Variants in CDHR3 observed in about 807,000 individuals in gnomAD.
The protein encoded by CDHR3 is cadherin-related family member 3.
In CDHR3, 79 loss-of-function variants were observed where a neutral mutation model predicts 86.6. The ratio of observed to expected loss-of-function variants is 0.91; its 90% CI spans 0.76 to 1.10. The LOEUF is 1.10. Among genes scored for constraint, CDHR3 ranks in the 50% least tolerant of loss-of-function variants. The probability of loss-of-function intolerance (pLI) is 0.00; values close to 1 mark genes in which losing one functional copy is unlikely to be tolerated. For synonymous variants in CDHR3, 421 were observed against 402.4 expected (o/e 1.05, Z -0.55); for missense variants, 1,081 against 1,077.6 (o/e 1.00, Z -0.04).
chr7:105,972,733 G>T (rs2115628329), intron 1 of CDHR3, among the ~76,000 whole-genome samples: 1 of 152,246 alleles, frequency 6.6e-6, no homozygotes, highest in African/African-American at 2.4e-5. Flanking sequence ...AAAGTCAATT[G>T]TAATAGATTT....
intron 14 of CDHR3, among the ~76,000 whole-genome samples, chr7:106,023,873 A>G (rs1282854923): frequency 6.6e-6 from 1 of 152,212 alleles, no homozygotes; most frequent in Non-Finnish European, 1.5e-5. Context: ...AACCTCCGTA[A>G]CTTGTTTGTT....
chr7:105,969,810 G>A (rs188361495), intron 1 of CDHR3, among the ~76,000 whole-genome samples: 1 of 152,288 alleles, frequency 6.6e-6, no homozygotes, highest in Admixed American at 6.5e-5. Flanking sequence ...TCCGTTTTCT[G>A]TAATAAAACT....
At chr7:105,971,458 A>G (rs1827964991) in intron 1 of CDHR3, among the ~76,000 whole-genome samples, 2 of 152,164 alleles carry the variant, frequency 1.3e-5, no homozygotes, top group African/African-American at 4.8e-5. Context: ...ACTGCCATTC[A>G]AAATATGACC....
intron 6 of CDHR3, among the ~76,000 whole-genome samples, chr7:105,998,913 C>T (rs983621155): frequency 1.3e-5 from 2 of 152,216 alleles, no homozygotes; most frequent in Non-Finnish European, 1.5e-5. Flanking sequence ...TTTCTCCCCT[C>T]CTGCCCATTT....
At chr7:105,966,434 C>A (rs1250798538) in intron 1 of CDHR3, among the ~76,000 whole-genome samples, 1 of 152,330 alleles carries the variant, frequency 6.6e-6, no homozygotes, top group South Asian at 2.1e-4. Context: ...TTCAGCCCAT[C>A]ATCTGTGCGT....
chr7:105,998,868 C>T (rs1832685708), intron 6 of CDHR3, among the ~76,000 whole-genome samples: 1 of 152,046 alleles, frequency 6.6e-6, no homozygotes, highest in African/African-American at 2.4e-5. Context: ...GCTGTGTGTG[C>T]ACAGCACTTT....
intron 18 of CDHR3, among the ~76,000 whole-genome samples, chr7:106,032,150 C>T (rs1473076976): frequency 6.6e-6 from 1 of 152,200 alleles, no homozygotes; most frequent in Admixed American, 6.5e-5. Context: ...GCTCCTAAGC[C>T]TTTCTATCCA....
intron 4 of CDHR3, among the ~76,000 whole-genome samples, chr7:105,987,178 C>G (rs1234455252): frequency 1.3e-5 from 2 of 152,110 alleles, no homozygotes; most frequent in Non-Finnish European, 2.9e-5. Context: ...ACAACTGCAG[C>G]AGGTGTTGCT....
At chr7:105,987,957 C>G (rs992424569) in intron 4 of CDHR3, among the ~76,000 whole-genome samples, 13 of 152,228 alleles carry the variant, frequency 8.5e-5, no homozygotes, top group African/African-American at 3.1e-4. Flanking sequence ...CTGGTGCAAT[C>G]ACAGCTCACT....
intron 1 of CDHR3, among the ~76,000 whole-genome samples, chr7:105,974,282 C>G (rs1585510799): frequency 6.6e-6 from 1 of 152,320 alleles, no homozygotes; most frequent in Middle Eastern, 3.4e-3. Context: ...CTGCTTGGCC[C>G]TCTGCATGAT....
At chr7:106,032,372 G>A (rs1430265541) in intron 18 of CDHR3, 21 bp from the exon 19 acceptor site, 5 of 1,593,636 alleles carry the variant, frequency 3.1e-6, no homozygotes, top group Admixed American at 1.7e-5. Context: ...TTATGTGATT[G>A]TTGTATTTTT....
chr7:105,986,776 G>A (rs1002986126), intron 4 of CDHR3, among the ~76,000 whole-genome samples: 3 of 152,130 alleles, frequency 2.0e-5, no homozygotes, highest in Non-Finnish European at 4.4e-5. Flanking sequence ...AGGTTCTTAT[G>A]ACCTACTTTT....
At chr7:106,009,294 G>T (rs1276416941) in intron 8 of CDHR3, among the ~76,000 whole-genome samples, 1 of 152,168 alleles carries the variant, frequency 6.6e-6, no homozygotes, top group Non-Finnish European at 1.5e-5. Flanking sequence ...AGTTCCAGGG[G>T]CGGAGGTCTT....
intron 2 of CDHR3, among the ~76,000 whole-genome samples, chr7:105,980,448 G>A (rs1359533001): frequency 6.6e-6 from 1 of 151,804 alleles, no homozygotes; most frequent in African/African-American, 2.4e-5. Flanking sequence ...TATACTTTAA[G>A]TTTTAGGGTA....
chr7:105,974,975 C>T lies in CDHR3; in HGVS notation c.178C>T (p.Pro60Ser), dbSNP rs868655825. ...ATTGTCACCTGTGATCCCAGGATTT[C>T]CCCAGATAGTCAACTCAAATCCCCT... is the stretch of plus-strand genomic sequence containing the variant. ...ASLSPVIPGF[P>S]QIVNSNPLTE... Residue 60 changes from proline to serine, a missense_variant, in exon 2 of 19, where the codon CCC becomes TCC. By Grantham distance (74) the Pro-to-Ser change is moderately conservative. Transcript: ENST00000317716. 6.2e-7 allele frequency: 1 copy of T among 1,613,906 alleles called. No individual in the cohort carries two copies.
intron 9 of CDHR3, among the ~76,000 whole-genome samples, chr7:106,014,071 A>G (rs920738498): frequency 6.6e-6 from 1 of 152,008 alleles, no homozygotes; most frequent in Non-Finnish European, 1.5e-5. Context: ...AGTGATCCTC[A>G]CATTTCAGCC....
chr7:105,975,470 A>G (rs1463188318), intron 2 of CDHR3, among the ~76,000 whole-genome samples: 1 of 152,198 alleles, frequency 6.6e-6, no homozygotes, highest in African/African-American at 2.4e-5. Flanking sequence ...ATAATCTAAG[A>G]GGAGACTTAT....
At chr7:106,007,925 G>A (rs1834184397) in intron 8 of CDHR3, among the ~76,000 whole-genome samples, 1 of 152,176 alleles carries the variant, frequency 6.6e-6, no homozygotes. Flanking sequence ...AACAGAAAGA[G>A]GTTTAATGGG....
intron 1 of CDHR3, among the ~76,000 whole-genome samples, chr7:105,973,550 C>T (rs896353811): frequency 2.0e-5 from 3 of 152,194 alleles, no homozygotes; most frequent in Non-Finnish European, 4.4e-5. Context: ...ATATCATGGC[C>T]TTTTCCCCTC....
Sources: gnomAD v4.1 joint callset for allele counts (sites outside exome capture counted in the v4.1 genomes callset) on GRCh38, gnomAD v4.1.1 for gene constraint, MANE v1.5 for transcripts, NCBI Gene and HGNC (gene_info 2026-07-23, HGNC 2026-07-21) for gene names.